Variants in RBMS1 observed in about 807,000 individuals in gnomAD.
RBMS1 encodes RNA-binding motif, single-stranded-interacting protein 1.
Under a neutral mutation model 62.3 loss-of-function variants are expected in RBMS1, and 17 were observed. The ratio of observed to expected loss-of-function variants is 0.27; its 90% CI spans 0.19 to 0.41. The LOEUF is 0.41. Among genes scored for constraint, RBMS1 ranks in the 10% least tolerant of loss-of-function variants. RBMS1 has a pLI of 1.00. For synonymous variants in RBMS1, 172 were observed against 170.0 expected (o/e 1.01, Z -0.09); for missense variants, 334 against 504.5 (o/e 0.66, Z 3.24).
Position 160,455,683 on chromosome 2 carries a change from C to CTT in RBMS1, c.75+37604_75+37605dup, listed in dbSNP as rs67701380. Among the ~76,000 whole-genome samples, 650 of 127,168 alleles carry CTT rather than the reference C, an allele frequency of 5.1e-3. 11 individuals carry two copies. The highest frequency in any genetic ancestry group is 0.015 in the African/African-American group (503 of 33,442). 83.4% of individuals were successfully genotyped at this position (127,168 alleles called of 152,430 possible). On this transcript the variant is annotated intron_variant, in intron 1 of 13. Transcript: ENST00000348849. ...ATGTAATATAAACTCCATTCCCAAG[C>CTT]TTTTTTTTTTTTTTTTTTGAGACGG... is the stretch of plus-strand genomic sequence containing the variant.
rs117748000 is a variant in RBMS1, at chr2:160,456,344, C to T, written c.75+36945G>A. Reference sequence around the variant, plus strand: ...AAGATGAGGAAATTGCTGTTCAATCCAATGTCAGGAAGCTAAAAGGTGTAC... The same window carrying T: ...AAGATGAGGAAATTGCTGTTCAATCTAATGTCAGGAAGCTAAAAGGTGTAC... On this transcript the variant is annotated intron_variant, in intron 1 of 13. Coordinates refer to ENST00000348849, the MANE Select transcript of RBMS1 (RefSeq NM_016836.4). 1.2e-3 allele frequency among the ~76,000 whole-genome samples: 178 copies of T among 152,200 alleles called. 5 individuals are homozygous for T. The East Asian group carries it at 0.03, about 25-fold the overall frequency.
At chr2:160,313,041 C>T (rs550031040) in intron 4 of RBMS1, 115 bp downstream of exon 4, 17 of 911,922 alleles carry the variant, frequency 1.9e-5, no homozygotes, top group East Asian at 2.6e-5. Context: ...GTCCAGAAGG[C>T]GCTGTGCTGA....
At chr2:160,340,932 T>C (rs1691835346) in intron 2 of RBMS1, among the ~76,000 whole-genome samples, 2 of 152,314 alleles carry the variant, frequency 1.3e-5, no homozygotes, top group South Asian at 2.1e-4. Flanking sequence ...CACCAAATGA[T>C]GGTTCTGAAT....
chr2:160,328,328 T>C (rs1691065219), intron 2 of RBMS1, among the ~76,000 whole-genome samples: 1 of 152,140 alleles, frequency 6.6e-6, no homozygotes, highest in East Asian at 1.9e-4. Flanking sequence ...ACTACCTTCT[T>C]ACCCTAATAT....
At chr2:160,304,843 C>T (rs183006940) in intron 4 of RBMS1, among the ~76,000 whole-genome samples, 28 of 152,210 alleles carry the variant, frequency 1.8e-4, no homozygotes, top group Admixed American at 1.6e-3. Flanking sequence ...TAAGCTGATT[C>T]ATTAATGAAG....
intron 1 of RBMS1, among the ~76,000 whole-genome samples, chr2:160,485,250 T>C (rs772485921): frequency 5.9e-5 from 9 of 152,206 alleles, no homozygotes; most frequent in Non-Finnish European, 1.2e-4. Context: ...CCCTGATCCC[T>C]GTGACTTCAC....
At chr2:160,284,651 T>A in intron 9 of RBMS1, 124 bp downstream of exon 9, 1 of 770,302 alleles carries the variant, frequency 1.3e-6, no homozygotes, top group Non-Finnish European at 2.3e-6. Flanking sequence ...AAATTGGGTA[T>A]CCAAGCTGCA....
At chr2:160,290,481 G>GATGT (rs1303359414) in intron 6 of RBMS1, among the ~76,000 whole-genome samples, 2 of 152,108 alleles carry the variant, frequency 1.3e-5, no homozygotes, top group Non-Finnish European at 2.9e-5. Flanking sequence ...TGTGATTTAA[G>GATGT]ATGTATTCCT....
intron 1 of RBMS1, among the ~76,000 whole-genome samples, chr2:160,467,492 A>G (rs1331546973): frequency 6.6e-6 from 1 of 152,110 alleles, no homozygotes; most frequent in Admixed American, 6.5e-5. Flanking sequence ...TAGCAGAAAT[A>G]ACACTGTGAA....
intron 1 of RBMS1, among the ~76,000 whole-genome samples, chr2:160,373,216 AAT>A (rs887533384): frequency 2.0e-5 from 3 of 152,210 alleles, no homozygotes; most frequent in Admixed American, 2.0e-4. Context: ...AAAAATTCCC[AAT>A]ATGTTTCACA....
At chr2:160,341,385 T>G (rs955632281) in intron 2 of RBMS1, among the ~76,000 whole-genome samples, 11 of 152,148 alleles carry the variant, frequency 7.2e-5, no homozygotes, top group South Asian at 6.2e-4. Context: ...TCACTGTTCC[T>G]GCAGGGTGAG....
chr2:160,433,154 C>T (rs935155358), intron 1 of RBMS1, among the ~76,000 whole-genome samples: 1 of 152,074 alleles, frequency 6.6e-6, no homozygotes, highest in East Asian at 1.9e-4. Flanking sequence ...TAGCTCACAT[C>T]TGTGGTCCCA....
intron 2 of RBMS1, among the ~76,000 whole-genome samples, chr2:160,353,753 T>C (rs1369454571): frequency 6.6e-6 from 1 of 152,112 alleles, no homozygotes; most frequent in Admixed American, 6.6e-5. Context: ...TAACCTTCCC[T>C]GAGCCTCAGC....
chr2:160,465,865 TACACACACAC>T (rs72005445), intron 1 of RBMS1, among the ~76,000 whole-genome samples: 2 of 146,642 alleles, frequency 1.4e-5, no homozygotes, highest in South Asian at 2.2e-4. Flanking sequence ...CACACACACA[TACACACACAC>T]ACACACACAC....
chr2:160,367,511 A>AT, intron 1 of RBMS1, 120 bp from the exon 2 acceptor site: 2 of 1,467,126 alleles, frequency 1.4e-6, no homozygotes, highest in Non-Finnish European at 1.8e-6. Context: ...ATAAATTTTA[A>AT]TTTACACTTT....
rs1186491661 is a variant in RBMS1 at position 160,380,578 on chromosome 2, C to T, written c.76-13187G>A. On this transcript the variant is annotated intron_variant, in intron 1 of 13. Transcript: ENST00000348849. ...AATTTATATTTCTTTAAAAAGACAA[C>T]TTCACATATTCCTAAAATTCAAGTC... Among the ~76,000 whole-genome samples the T allele has an allele frequency of 2.6e-5, 4 of 152,224 alleles. No homozygotes were observed. The East Asian group carries it at 5.8e-4, about 22-fold the overall frequency.
At chr2:160,330,026 G>A (rs1185613088) in intron 2 of RBMS1, among the ~76,000 whole-genome samples, 5 of 152,076 alleles carry the variant, frequency 3.3e-5, no homozygotes, top group Admixed American at 6.6e-5. Context: ...GTCCTTAAGA[G>A]CAAGTCATGA....
At chr2:160,324,256 C>T (rs1322413957) in intron 2 of RBMS1, among the ~76,000 whole-genome samples, 6 of 145,686 alleles carry the variant, frequency 4.1e-5, no homozygotes, top group African/African-American at 9.8e-5. Flanking sequence ...AGCATGCGTG[C>T]GCGTGCACAC....
chr2:160,349,587 A>AAGGG lies in RBMS1; in HGVS notation c.251+17625_251+17628dup, dbSNP rs1365430350. 9.7e-4 allele frequency among the ~76,000 whole-genome samples: 145 copies of AAGGG among 149,186 alleles called. 1 individual carries two copies. The Middle Eastern group carries it at 0.017, about 18-fold the overall frequency. On this transcript the variant is annotated intron_variant, in intron 2 of 13. Transcript: ENST00000348849. The stretch of plus-strand genomic sequence containing the variant: ...AGAGAGAGAGAGAGAGAGAGAAAGG[A>AAGGG]AGGGAGGGAGGGAGAGAAATATGTA...
Sources: allele counts gnomAD v4.1 joint callset (sites outside exome capture counted in the v4.1 genomes callset), GRCh38; gene constraint gnomAD v4.1.1; transcripts MANE v1.5; gene names NCBI Gene and HGNC (gene_info 2026-07-23, HGNC 2026-07-21).